The following SIK3 variants were observed in gnomAD, a reference collection of about 807,000 sequenced individuals.
The protein encoded by SIK3 is SIK family kinase 3, also known as serine/threonine-protein kinase SIK3.
Under a neutral mutation model 144.2 loss-of-function variants are expected in SIK3, and 28 were observed. The observed-to-expected ratio is 0.19, with a 90% CI of 0.14 to 0.27. The LOEUF (loss-of-function observed/expected upper bound fraction) is 0.27, where lower values mean the gene tolerates loss of function less well. Among genes scored for constraint, SIK3 ranks in the 10% least tolerant of loss-of-function variants. The probability of loss-of-function intolerance (pLI) is 1.00; values close to 1 mark genes in which losing one functional copy is unlikely to be tolerated. For missense variants in SIK3, 1,319 were observed against 1,776.0 expected (o/e 0.74, Z 4.62); for synonymous variants, 686 against 676.3 (o/e 1.01, Z -0.22).
At position 116,887,609 on chromosome 11, in the gene SIK3, T is replaced by TC. The variant is rs1476806524; in HGVS notation, c.865+8643dup. Among the ~76,000 whole-genome samples the TC allele has an allele frequency of 2.4e-4, 32 of 133,456 alleles. No homozygotes were observed. The South Asian group carries it at 5.3e-3, about 22-fold the overall frequency. The allele number at this position is 133,456 out of a possible 152,430, so 87.6% of individuals were successfully genotyped here. A position where few individuals can be genotyped will look rare whatever the true frequency, so the allele number is the denominator to read the frequency against. On this transcript the variant is annotated intron_variant, in intron 6 of 24. Coordinates refer to ENST00000445177, the MANE Select transcript of SIK3 (RefSeq NM_001366686.3). Reference sequence around the variant, plus strand: ...TCCAGCCTGGGCGGCAAAATCTGTCTCCCAAAAAAAAAAAAAAACAAGAGT... The same window carrying TC: ...TCCAGCCTGGGCGGCAAAATCTGTCTCCCCAAAAAAAAAAAAAAACAAGAGT...
chr11:116,925,213 C>T (rs1335816991), intron 4 of SIK3, among the ~76,000 whole-genome samples: 1 of 152,080 alleles, frequency 6.6e-6, no homozygotes, highest in Non-Finnish European at 1.5e-5. Context: ...CACGCCACTG[C>T]CCTCCTGCCT....
intron 3 of SIK3, among the ~76,000 whole-genome samples, chr11:116,942,044 T>G (rs924464524): frequency 6.6e-6 from 1 of 152,224 alleles, no homozygotes; most frequent in African/African-American, 2.4e-5. Context: ...AACCAATTAC[T>G]GAAGTCTATT....
At chr11:116,860,096 T>C (rs940317542) in intron 19 of SIK3, among the ~76,000 whole-genome samples, 1 of 151,964 alleles carries the variant, frequency 6.6e-6, no homozygotes, top group Non-Finnish European at 1.5e-5. Context: ...AATACAAAAA[T>C]TAGCTGGGTG....
At chr11:117,022,250 G>C (rs931623042) in intron 1 of SIK3, among the ~76,000 whole-genome samples, 2 of 151,692 alleles carry the variant, frequency 1.3e-5, no homozygotes. Flanking sequence ...TTTCTCTATT[G>C]ATTAAGGTGG....
intron 1 of SIK3, among the ~76,000 whole-genome samples, chr11:117,031,356 T>C (rs990316058): frequency 6.6e-6 from 1 of 150,582 alleles, no homozygotes; most frequent in African/African-American, 2.5e-5. Context: ...GTCAGATTTT[T>C]CCTTTTTTCC....
intron 1 of SIK3, among the ~76,000 whole-genome samples, chr11:116,981,026 C>A (rs1285120298): frequency 1.3e-5 from 2 of 152,162 alleles, no homozygotes; most frequent in Non-Finnish European, 2.9e-5. Context: ...TCCTTTATTT[C>A]TTTAAACATC....
At chr11:116,966,539 G>A (rs1949554588) in intron 1 of SIK3, among the ~76,000 whole-genome samples, 1 of 152,140 alleles carries the variant, frequency 6.6e-6, no homozygotes, top group South Asian at 2.1e-4. Flanking sequence ...TTAAAAACAA[G>A]TTTGTATTAA....
chr11:116,866,819 CAG>C (rs1453154090), intron 15 of SIK3, among the ~76,000 whole-genome samples: 1 of 152,192 alleles, frequency 6.6e-6, no homozygotes, highest in Non-Finnish European at 1.5e-5. Flanking sequence ...TCTGTGCCAT[CAG>C]AGTTTTATTT....
chr11:116,938,559 AGG>A (rs1565475717), intron 3 of SIK3, among the ~76,000 whole-genome samples: 14 of 39,892 alleles, frequency 3.5e-4, no homozygotes, highest in East Asian at 2.5e-3. Context: ...AGGGGAGGGG[AGG>A]GGAGGGGAGG....
At chr11:116,935,296 A>G (rs572385377) in intron 3 of SIK3, among the ~76,000 whole-genome samples, 116 of 151,368 alleles carry the variant, frequency 7.7e-4, no homozygotes, top group African/African-American at 2.8e-3. Context: ...ATTGATTATT[A>G]ATACTTATTA....
At chr11:117,052,843 G>A (rs563951270) in intron 1 of SIK3, among the ~76,000 whole-genome samples, 19 of 152,326 alleles carry the variant, frequency 1.2e-4, no homozygotes, top group African/African-American at 4.3e-4. Context: ...CTCTAATGCC[G>A]TAGTTTCAGA....
Position 117,075,840 on chromosome 11 carries a change from C to CTTT in SIK3, c.273+22300_273+22302dup, listed in dbSNP as rs1037271983. Among the ~76,000 whole-genome samples, 252 of 40,920 alleles carry CTTT rather than the reference C, an allele frequency of 6.2e-3. 67 individuals are homozygous for CTTT. The highest frequency in any genetic ancestry group is 0.026 in the African/African-American group (161 of 6,250). 26.8% of individuals were successfully genotyped at this position (40,920 alleles called of 152,430 possible). A position where few individuals can be genotyped will look rare whatever the true frequency, so the allele number is the denominator to read the frequency against. On this transcript the variant is annotated intron_variant, in intron 1 of 24. Coordinates refer to ENST00000445177, the MANE Select transcript of SIK3 (RefSeq NM_001366686.3). ...TATAGGCGTGAGCCACCAAGCCTGGCTTTTTTTTTTTTTTTTTTTTTTTTT... is the reference window on the plus strand; with the variant it reads ...TATAGGCGTGAGCCACCAAGCCTGGCTTTTTTTTTTTTTTTTTTTTTTTTTTTT...
In SIK3 at chr11:116,907,397, AG is replaced by A. The variant is rs1434543396; in HGVS notation, c.617-10081del. On this transcript the variant is annotated intron_variant, in intron 4 of 24. Coordinates refer to ENST00000445177, the MANE Select transcript of SIK3 (RefSeq NM_001366686.3). ...CACAGTGGCTCACACCTGTAATCCC[AG>A]AACTTTGGGAGGCCAAGGCTGGCGG... 2.6e-5 allele frequency among the ~76,000 whole-genome samples: 4 copies of A among 152,236 alleles called. No individual in the cohort carries two copies. In the East Asian group the frequency reaches 7.7e-4, roughly 29 times the overall value.
At chr11:116,977,307 C>G (rs1949982104) in intron 1 of SIK3, among the ~76,000 whole-genome samples, 2 of 137,352 alleles carry the variant, frequency 1.5e-5, no homozygotes, top group Non-Finnish European at 3.1e-5. Flanking sequence ...TTTTGAACTC[C>G]TGGGCTCAAG....
intron 4 of SIK3, among the ~76,000 whole-genome samples, chr11:116,914,630 G>C (rs1040500915): frequency 3.9e-5 from 6 of 152,166 alleles, no homozygotes; most frequent in African/African-American, 1.4e-4. Context: ...AAGCACACAT[G>C]TAACTATATA....
intron 5 of SIK3, among the ~76,000 whole-genome samples, chr11:116,896,927 TG>T (rs1464026627): frequency 1.3e-5 from 2 of 151,322 alleles, no homozygotes; most frequent in Non-Finnish European, 2.9e-5. Context: ...CTTGTGAGGC[TG>T]AGGCAGGAGA....
At position 116,867,632 on chromosome 11, in the gene SIK3, G is replaced by A. The variant is rs779162826; in HGVS notation, c.1952+314C>T. The A allele has an allele frequency of 9.0e-5, 22 of 245,250 alleles. No homozygotes were observed. The highest frequency in any genetic ancestry group is 1.6e-4 in the Non-Finnish European group (21 of 129,312). 15.2% of individuals were successfully genotyped at this position (245,250 alleles called of 1,614,324 possible). Reference sequence around the variant, plus strand: ...TTCCTGTTTCCAGGTGGCCTTCTGAGAGTTTCACTTTCTTGCAGGTCTCAA... The same window carrying A: ...TTCCTGTTTCCAGGTGGCCTTCTGAAAGTTTCACTTTCTTGCAGGTCTCAA... On this transcript the variant is annotated intron_variant, in intron 15 of 24. Transcript: ENST00000445177. This position sits in a 1 kb window ranked among gnomAD's most constrained non-coding sequence, Gnocchi z 4.1.
rs570648764 is a variant in SIK3 at position 116,883,153 on chromosome 11, A to G, written c.866-6111T>C. 3.9e-5 allele frequency among the ~76,000 whole-genome samples: 6 copies of G among 152,316 alleles called. No homozygotes were observed. In the South Asian group the frequency reaches 6.2e-4, roughly 16 times the overall value. On this transcript the variant is annotated intron_variant, in intron 6 of 24. Coordinates refer to ENST00000445177, the MANE Select transcript of SIK3 (RefSeq NM_001366686.3). The stretch of plus-strand genomic sequence containing the variant: ...GACCAATGGATGGCCTGCAACAGCA[A>G]TCTCAGGATGGAGCCACATGGCTTT...
intron 3 of SIK3, among the ~76,000 whole-genome samples, chr11:116,929,672 A>C (rs1348320655): frequency 6.6e-6 from 1 of 152,194 alleles, no homozygotes; most frequent in Admixed American, 6.5e-5. Flanking sequence ...TTCTAAATAC[A>C]AGTAAACTCT....
Sources: gnomAD v4.1 joint callset for allele counts (sites outside exome capture counted in the v4.1 genomes callset) on GRCh38, gnomAD v4.1.1 for gene constraint, Gnocchi (gnomAD v3.1) non-coding constraint, MANE v1.5 for transcripts, NCBI Gene and HGNC (gene_info 2026-07-23, HGNC 2026-07-21) for gene names.